SRRM4: variants seen among roughly 807,000 people sequenced by gnomAD.
The protein encoded by SRRM4 is serine/arginine repetitive matrix protein 4.
SRRM4 carries 33 observed loss-of-function variants against 68.9 expected under a neutral mutation model. The observed-to-expected ratio is 0.48, with a 90% confidence interval of 0.36 to 0.64. The LOEUF is 0.64. Ranked by LOEUF, SRRM4 falls within the 30% of genes least tolerant of loss-of-function variation. SRRM4 has a pLI of 0.00. For synonymous variants in SRRM4, 318 were observed against 318.8 expected (o/e 1.00, Z 0.03); for missense variants, 817 against 827.1 (o/e 0.99, Z 0.15).
rs771380437 is a variant in SRRM4, at chr12:119,102,242, G to A, written c.138G>A (p.Glu46=). 6.2e-7 allele frequency: 1 copy of A among 1,612,620 alleles called. No individual in the cohort carries two copies. Among genetic ancestry groups the A allele is most frequent in the East Asian group, 2.2e-5 (1 of 44,882 alleles). ...ITARKPLPRT[E]PQNNPVVPAQ... is the part of the protein sequence containing the mutation. The stretch of plus-strand genomic sequence containing the variant: ...CTTATTTCTTCTTCTGTAGGACAGA[G>A]CCCCAGAATAACCCCGTTGTCCCAG... Residue 46 remains glutamate, a synonymous_variant, in exon 2 of 13, where the codon GAG becomes GAA. Coordinates refer to ENST00000267260, the MANE Select transcript of SRRM4 (RefSeq NM_194286.4).
Position 119,154,803 on chromosome 12 carries a change from C to A in SRRM4, c.1532+420C>A, listed in dbSNP as rs1032998890. 1.3e-5 allele frequency among the ~76,000 whole-genome samples: 2 copies of A among 152,198 alleles called. No homozygotes were observed. The highest frequency in any genetic ancestry group is 2.9e-5 in the Non-Finnish European group (2 of 68,036). ...CCCGAGCAGCGGAGACAGACCTCTA[C>A]CCTCAGACCTGTACACTCAGCTGTC... is the stretch of plus-strand genomic sequence containing the variant. On this transcript the variant is annotated intron_variant, in intron 12 of 12. Transcript: ENST00000267260. This position sits in a 1 kb window ranked among gnomAD's most constrained non-coding sequence, Gnocchi z 4.7.
chr12:119,042,942 G>A (rs780884369), intron 1 of SRRM4, among the ~76,000 whole-genome samples: 1 of 152,152 alleles, frequency 6.6e-6, no homozygotes, highest in Non-Finnish European at 1.5e-5. Flanking sequence ...CACTGTTGGT[G>A]GGAGTGTAAA....
At chr12:119,009,790 A>G (rs1953437426) in intron 1 of SRRM4, among the ~76,000 whole-genome samples, 1 of 152,154 alleles carries the variant, frequency 6.6e-6, no homozygotes. Flanking sequence ...GTGGGGTGGG[A>G]GTGCAGACAA....
At chr12:119,150,110 TA>T (rs1251876626) in intron 9 of SRRM4, among the ~76,000 whole-genome samples, 2 of 152,220 alleles carry the variant, frequency 1.3e-5, no homozygotes, top group Admixed American at 1.3e-4. Context: ...CTGTTTACTT[TA>T]ATAAACTCAT....
intron 1 of SRRM4, among the ~76,000 whole-genome samples, chr12:119,060,108 C>T (rs190733646): frequency 6.6e-6 from 1 of 152,120 alleles, no homozygotes; most frequent in Non-Finnish European, 1.5e-5. Context: ...CTCAGTCTCT[C>T]CATCTATAAA....
chr12:119,027,117 G>A (rs538640542), intron 1 of SRRM4, among the ~76,000 whole-genome samples: 1 of 152,274 alleles, frequency 6.6e-6, no homozygotes, highest in Admixed American at 6.5e-5. Context: ...GGGAGCAGCT[G>A]AGAGCACAGC....
intron 1 of SRRM4, among the ~76,000 whole-genome samples, chr12:119,046,976 G>A (rs1274448282): frequency 6.7e-6 from 1 of 148,522 alleles, no homozygotes; most frequent in African/African-American, 2.5e-5. Context: ...AGCTTGCAGT[G>A]AGCTGAGATC....
At chr12:119,075,576 T>C (rs1953905032) in intron 1 of SRRM4, among the ~76,000 whole-genome samples, 1 of 147,546 alleles carries the variant, frequency 6.8e-6, no homozygotes. Flanking sequence ...ATAATGGTGA[T>C]GATGGTGATG....
Position 119,145,559 on chromosome 12 carries a change from G to A in SRRM4, c.950G>A (p.Ser317Asn), listed in dbSNP as rs562056303. 4 of 1,605,728 alleles carry A rather than the reference G, an allele frequency of 2.5e-6. No individual in the cohort carries two copies. The highest frequency in any genetic ancestry group is 1.1e-5 in the South Asian group (1 of 89,884). Reference protein sequence around the residue: ...QEKGSPSGGLSKSRELNSGNT... With the variant: ...QEKGSPSGGLNKSRELNSGNT... ...AAGGGGAGCCCCAGTGGGGGCTTGA[G>A]CAAGAGCCGGGAGCTCAACAGTGGC... Residue 317 changes from serine to asparagine, a missense_variant, in exon 9 of 13, where the codon AGC becomes AAC. Transcript: ENST00000267260.
intron 1 of SRRM4, among the ~76,000 whole-genome samples, chr12:118,995,228 C>T (rs1184351904): frequency 6.6e-6 from 1 of 152,168 alleles, no homozygotes; most frequent in East Asian, 1.9e-4. Context: ...TGACAATTTC[C>T]ATTCTGTAGA....
At position 119,037,558 on chromosome 12, in the gene SRRM4, A is replaced by G. The variant is rs182626308; in HGVS notation, c.131+55545A>G. Among the ~76,000 whole-genome samples, 40 of 152,342 alleles carry G rather than the reference A, an allele frequency of 2.6e-4. 1 individual carries two copies. The East Asian group carries it at 7.3e-3, about 28-fold the overall frequency. On this transcript the variant is annotated intron_variant, in intron 1 of 12. Coordinates refer to ENST00000267260, the MANE Select transcript of SRRM4 (RefSeq NM_194286.4). ...AATCAAGATTTCATTGCCAAGGGCC[A>G]GGTTATCACATGGAATTTCTTTGTG...
rs891658089 is a variant in SRRM4 at position 118,981,571 on chromosome 12, T to C, written c.-312T>C. On this transcript the variant is annotated 5_prime_UTR_variant, in exon 1 of 13. Coordinates refer to ENST00000267260, the MANE Select transcript of SRRM4 (RefSeq NM_194286.4). ...CGCACACACATCCGACCCCGTCGCC[T>C]CTTCTCTCCTGGTGCTGCCCAGAAA... 2.4e-5 allele frequency: 7 copies of C among 295,518 alleles called. No homozygotes were observed. The highest frequency in any genetic ancestry group is 3.8e-5 in the Non-Finnish European group (6 of 158,722). 18.3% of individuals were successfully genotyped at this position (295,518 alleles called of 1,614,324 possible).
chr12:119,078,561 T>C (rs1953929690), intron 1 of SRRM4, among the ~76,000 whole-genome samples: 1 of 152,170 alleles, frequency 6.6e-6, no homozygotes, highest in Non-Finnish European at 1.5e-5. Context: ...TGCTGATGCC[T>C]CATCTTGCAA....
intron 1 of SRRM4, among the ~76,000 whole-genome samples, chr12:119,044,305 G>A (rs1167973368): frequency 2.0e-5 from 3 of 152,200 alleles, no homozygotes; most frequent in Non-Finnish European, 4.4e-5. Context: ...GCCCCTAGGT[G>A]CAGCTCTTGC....
intron 8 of SRRM4, among the ~76,000 whole-genome samples, chr12:119,140,283 C>G (rs544343108): frequency 6.6e-6 from 1 of 151,278 alleles, no homozygotes; most frequent in Admixed American, 6.6e-5. Context: ...AAGGCTGAAG[C>G]AGGAGAATCG....
At chr12:118,982,683 T>TGG (rs1555212622) in intron 1 of SRRM4, among the ~76,000 whole-genome samples, 1 of 135,220 alleles carries the variant, frequency 7.4e-6, no homozygotes, top group Non-Finnish European at 1.6e-5. Context: ...TTTTTTGTTT[T>TGG]TTTTTTTTTT....
At chr12:119,029,065 T>C (rs1953569224) in intron 1 of SRRM4, among the ~76,000 whole-genome samples, 1 of 152,208 alleles carries the variant, frequency 6.6e-6, no homozygotes, top group Non-Finnish European at 1.5e-5. Context: ...GGGAAAATAC[T>C]GTGCCCCATA....
chr12:119,051,423 G>C lies in SRRM4; in HGVS notation c.132-50813G>C, dbSNP rs541761759. On this transcript the variant is annotated intron_variant, in intron 1 of 12. Coordinates refer to ENST00000267260, the MANE Select transcript of SRRM4 (RefSeq NM_194286.4). Reference sequence around the variant, plus strand: ...TCAGAGATGTGTCTTAGAAGGTGCTGAAATGGAACCCAAGCATGCAAGTTA... The same window carrying C: ...TCAGAGATGTGTCTTAGAAGGTGCTCAAATGGAACCCAAGCATGCAAGTTA... Among the ~76,000 whole-genome samples the C allele has an allele frequency of 9.2e-5, 14 of 152,288 alleles. No homozygotes were observed. In the South Asian group the frequency reaches 2.9e-3, roughly 32 times the overall value.
intron 3 of SRRM4, among the ~76,000 whole-genome samples, chr12:119,114,916 G>A (rs1211797147): frequency 3.3e-5 from 5 of 151,840 alleles, no homozygotes; most frequent in Non-Finnish European, 4.4e-5. Context: ...CGCCTGCCTC[G>A]GCCTTCCAAA....
Sources: allele counts gnomAD v4.1 joint callset (sites outside exome capture counted in the v4.1 genomes callset), GRCh38; gene constraint gnomAD v4.1.1; non-coding constraint Gnocchi (gnomAD v3.1); transcripts MANE v1.5; gene names NCBI Gene and HGNC (gene_info 2026-07-23, HGNC 2026-07-21).